Variants in POU2F1 observed in about 807,000 individuals in gnomAD.
POU2F1 encodes POU class 2 homeobox 1, also known as POU domain, class 2, transcription factor 1.
A neutral mutation model predicts 84.9 loss-of-function variants in POU2F1; 16 were observed. The observed-to-expected ratio is 0.19, with a 90% CI of 0.13 to 0.29. The LOEUF (loss-of-function observed/expected upper bound fraction) is 0.29, where lower values mean the gene tolerates loss of function less well. POU2F1 is among the 10% of genes least tolerant of loss of function. POU2F1 has a pLI of 1.00. For missense variants in POU2F1, 738 were observed against 942.6 expected (o/e 0.78, Z 2.84); for synonymous variants, 368 against 368.3 (o/e 1.00, Z 0.01).
chr1:167,291,142 G>A (rs1653897513), intron 1 of POU2F1, among the ~76,000 whole-genome samples: 1 of 151,804 alleles, frequency 6.6e-6, no homozygotes, highest in African/African-American at 2.4e-5. Context: ...TCTGAACTAA[G>A]AATCAGAAAA....
intron 1 of POU2F1, among the ~76,000 whole-genome samples, chr1:167,278,869 ATTTC>A (rs1398525559): frequency 6.6e-6 from 1 of 152,158 alleles, no homozygotes; most frequent in Non-Finnish European, 1.5e-5. Flanking sequence ...TTCAAGACCT[ATTTC>A]ACATGGGTAC....
intron 1 of POU2F1, among the ~76,000 whole-genome samples, chr1:167,222,482 A>AT (rs924825484): frequency 4.4e-4 from 66 of 150,306 alleles, no homozygotes; most frequent in Non-Finnish European, 6.8e-4. Flanking sequence ...GTTCGATATG[A>AT]TTTTTTTTTT....
intron 1 of POU2F1, chr1:167,257,794 A>T (rs1361144860): frequency 1.3e-5 from 2 of 149,020 alleles, no homozygotes; most frequent in Non-Finnish European, 3.0e-5. Context: ...TTTTTTTTAA[A>T]GGCAAGGTCT....
chr1:167,360,702 G>T (rs1659301107), intron 2 of POU2F1, among the ~76,000 whole-genome samples: 1 of 151,954 alleles, frequency 6.6e-6, no homozygotes, highest in Non-Finnish European at 1.5e-5. Context: ...ATGAATTTTA[G>T]AATAGTTTTT....
At chr1:167,400,458 G>T (rs1649131623) in intron 12 of POU2F1, among the ~76,000 whole-genome samples, 1 of 152,068 alleles carries the variant, frequency 6.6e-6, no homozygotes, top group Non-Finnish European at 1.5e-5. Flanking sequence ...TTCATGTTGA[G>T]TCCTAAAGCC....
chr1:167,320,543 G>T (rs1334855094), intron 1 of POU2F1, among the ~76,000 whole-genome samples: 2 of 152,184 alleles, frequency 1.3e-5, no homozygotes, highest in Non-Finnish European at 1.5e-5. Context: ...GCCTTTGTAA[G>T]AGGGACAATA....
At chr1:167,236,760 T>C (rs981621798) in intron 1 of POU2F1, among the ~76,000 whole-genome samples, 1 of 152,180 alleles carries the variant, frequency 6.6e-6, no homozygotes, top group African/African-American at 2.4e-5. Flanking sequence ...ATGGGTCAGC[T>C]GTGGCACTGT....
chr1:167,223,626 C>A (rs1648405117), intron 1 of POU2F1, among the ~76,000 whole-genome samples: 1 of 151,922 alleles, frequency 6.6e-6, no homozygotes, highest in African/African-American at 2.4e-5. Flanking sequence ...TAATTTGTAA[C>A]AAAATTCTAG....
At chr1:167,355,748 A>T (rs1571356819) in intron 2 of POU2F1, among the ~76,000 whole-genome samples, 3 of 151,570 alleles carry the variant, frequency 2.0e-5, no homozygotes, top group Non-Finnish European at 2.9e-5. Flanking sequence ...CGATCCTCCC[A>T]CCTCTCAAAT....
chr1:167,343,939 C>T lies in POU2F1; in HGVS notation c.127+11404C>T, dbSNP rs567013334. On this transcript the variant is annotated intron_variant, in intron 2 of 15. Transcript: ENST00000367866. ...AAGAGTCTTTAACAGGGAAATGCTA[C>T]GGGGAGGAGAGTGGAATCAGCCAAG... Among the ~76,000 whole-genome samples, 18 of 151,642 alleles carry T rather than the reference C, an allele frequency of 1.2e-4. No individual in the cohort carries two copies. In the East Asian group the frequency reaches 1.4e-3, roughly 11 times the overall value.
chr1:167,356,580 C>G (rs1206270169), intron 2 of POU2F1, among the ~76,000 whole-genome samples: 1 of 152,038 alleles, frequency 6.6e-6, no homozygotes, highest in Non-Finnish European at 1.5e-5. Flanking sequence ...TCACTGGCGG[C>G]AAATATATAC....
chr1:167,274,767 A>G (rs1380005629), intron 1 of POU2F1, among the ~76,000 whole-genome samples: 4 of 152,226 alleles, frequency 2.6e-5, no homozygotes, highest in Non-Finnish European at 4.4e-5. Context: ...TGGACAAACC[A>G]TGAATTATAG....
chr1:167,229,559 T>C (rs1217591066), intron 1 of POU2F1, among the ~76,000 whole-genome samples: 2 of 152,196 alleles, frequency 1.3e-5, no homozygotes, highest in Non-Finnish European at 2.9e-5. Flanking sequence ...GGCACTGTCT[T>C]CTAAGGTTAT....
In POU2F1 at chr1:167,415,809, G is replaced by A; in HGVS notation, c.2300G>A (p.Ter767=). The change falls in exon 16 of 16, where the codon TGA becomes TAA. Residue 767 remains the stop codon, a stop_retained_variant. Transcript: ENST00000367866. ...STTTTASKAQ[*] is the part of the protein sequence containing the mutation. ...ACCACCACCGCCTCCAAGGCACAGTGAGCTGGGCAGAGCTGGGCTGCCAGA... is the reference window on the plus strand; with the variant it reads ...ACCACCACCGCCTCCAAGGCACAGTAAGCTGGGCAGAGCTGGGCTGCCAGA... 1.2e-6 allele frequency: 2 copies of A among 1,607,826 alleles called. No homozygotes were observed. Among genetic ancestry groups the A allele is most frequent in the Non-Finnish European group, 1.7e-6 (2 of 1,176,222 alleles).
intron 1 of POU2F1, among the ~76,000 whole-genome samples, chr1:167,226,468 ATTC>A (rs1365957077): frequency 6.6e-6 from 1 of 152,202 alleles, no homozygotes; most frequent in Non-Finnish European, 1.5e-5. Flanking sequence ...GTAGATTTTA[ATTC>A]TTCTTAGGAA....
chr1:167,415,766 A>G lies in POU2F1; in HGVS notation c.2257A>G (p.Ser753Gly). 1 of 1,614,142 alleles carries G rather than the reference A, an allele frequency of 6.2e-7. No homozygotes were observed. ...CTCTCTCTTCACAGTGGCCTCTGCC[A>G]GCGGGGCTGCGTCCACCACCACCAC... ...QNSLFTVASA[S>G]GAASTTTTAS... Residue 753 changes from serine (S) to glycine (G), a missense_variant, in exon 16 of 16, where the codon AGC becomes GGC. This residue lies in a region of POU2F1 where 319 missense variants were observed against 386.0 expected (regional missense o/e 0.83). Transcript: ENST00000367866.
At chr1:167,276,813 CAA>C (rs1379141816) in intron 1 of POU2F1, among the ~76,000 whole-genome samples, 4 of 150,182 alleles carry the variant, frequency 2.7e-5, no homozygotes, top group Admixed American at 2.6e-4. Flanking sequence ...AGGAGAAAAT[CAA>C]TAAGTATGGA....
chr1:167,333,397 G>C (rs888225839), intron 2 of POU2F1, among the ~76,000 whole-genome samples: 2 of 152,206 alleles, frequency 1.3e-5, no homozygotes, highest in Non-Finnish European at 2.9e-5. Flanking sequence ...AGGATGAACA[G>C]AAAGTACTTG....
chr1:167,238,556 A>G (rs537980151), intron 1 of POU2F1, among the ~76,000 whole-genome samples: 3 of 152,192 alleles, frequency 2.0e-5, no homozygotes, highest in Non-Finnish European at 2.9e-5. Context: ...ATGCCCCTGT[A>G]TAGGCCAAAT....
Sources: gnomAD v4.1 joint callset for allele counts (sites outside exome capture counted in the v4.1 genomes callset) on GRCh38, gnomAD v4.1.1 for gene constraint, gnomAD v4.1.1 regional missense constraint, MANE v1.5 for transcripts, NCBI Gene and HGNC (gene_info 2026-07-23, HGNC 2026-07-21) for gene names.